Variants in MAN1A1 observed in about 807,000 individuals in gnomAD.
MAN1A1 encodes the protein mannosyl-oligosaccharide 1,2-alpha-mannosidase IA.
A neutral mutation model predicts 70.8 loss-of-function variants in MAN1A1; 29 were observed. The observed-to-expected ratio is 0.41, with a 90% confidence interval of 0.31 to 0.56. The LOEUF (loss-of-function observed/expected upper bound fraction) is 0.56. MAN1A1 is among the 20% of genes least tolerant of loss of function. MAN1A1 has a pLI of 0.29. For missense variants in MAN1A1, 747 were observed against 841.3 expected (o/e 0.89, Z 1.39); for synonymous variants, 349 against 330.1 (o/e 1.06, Z -0.62).
chr6:119,253,175 C>T (rs1257913090), intron 5 of MAN1A1, among the ~76,000 whole-genome samples: 3 of 151,962 alleles, frequency 2.0e-5, no homozygotes, highest in East Asian at 1.9e-4. Context: ...GTGGATGGAC[C>T]GAGAAGAACC....
At chr6:119,317,067 T>C (rs11153812) in intron 2 of MAN1A1, among the ~76,000 whole-genome samples, 49,997 of 151,636 alleles carry the variant, frequency 0.33, 8,725 homozygotes, top group Non-Finnish European at 0.36. Flanking sequence ...TGTGTGTGTA[T>C]GTTTTCTAAA....
At chr6:119,220,524 AT>A (rs1207719252) in intron 6 of MAN1A1, among the ~76,000 whole-genome samples, 12 of 152,328 alleles carry the variant, frequency 7.9e-5, no homozygotes, top group African/African-American at 2.6e-4. Context: ...CATTAAAAAA[AT>A]AAACAGGCAC....
At chr6:119,336,930 T>C (rs1773466766) in intron 2 of MAN1A1, among the ~76,000 whole-genome samples, 1 of 152,110 alleles carries the variant, frequency 6.6e-6, no homozygotes, top group African/African-American at 2.4e-5. Context: ...ATGAAGACTC[T>C]ACCTACTTTA....
chr6:119,350,120 C>T (rs974793959), upstream of MAN1A1, among the ~76,000 whole-genome samples: 5 of 152,154 alleles, frequency 3.3e-5, no homozygotes, highest in African/African-American at 7.2e-5. Flanking sequence ...TCGACTGGCC[C>T]GGGAGGCGCC....
chr6:119,348,599 T>C lies in MAN1A1; in HGVS notation c.467A>G (p.Lys156Arg), dbSNP rs1773805897. 1.2e-6 allele frequency: 2 copies of C among 1,613,800 alleles called. No homozygotes were observed. Among genetic ancestry groups the C allele is most frequent in the Non-Finnish European group, 1.7e-6 (2 of 1,179,892 alleles). The change falls in exon 2 of 13, where the codon AAG becomes AGG. Residue 156 changes from lysine (K) to arginine (R), a missense_variant. Transcript: ENST00000368468. ...IQRDILLEKKKVAQDQLRDKA... is the reference protein window; with the variant it reads ...IQRDILLEKKRVAQDQLRDKA... Reference sequence around the variant, plus strand: ...GTCACGCAGCTGGTCCTGGGCCACCTTCTTCTTCTCCAGTAGGATGTCTCT... The same window carrying C: ...GTCACGCAGCTGGTCCTGGGCCACCCTCTTCTTCTCCAGTAGGATGTCTCT...
intron 6 of MAN1A1, among the ~76,000 whole-genome samples, chr6:119,247,701 C>T (rs1384806363): frequency 2.0e-5 from 3 of 152,138 alleles, no homozygotes; most frequent in African/African-American, 7.2e-5. Flanking sequence ...TCAGGGTTCT[C>T]CACCAAAGAG....
chr6:119,342,689 A>G, intron 2 of MAN1A1, among the ~76,000 whole-genome samples: 1 of 152,170 alleles, frequency 6.6e-6, no homozygotes, highest in East Asian at 1.9e-4. Flanking sequence ...GCCAGAACCT[A>G]CTTGGGTGGA....
chr6:119,251,672 A>C (rs1292758076), intron 5 of MAN1A1, among the ~76,000 whole-genome samples: 1 of 152,134 alleles, frequency 6.6e-6, no homozygotes, highest in Non-Finnish European at 1.5e-5. Context: ...CATATCCCCC[A>C]ATAATTTTTC....
At chr6:119,292,024 G>A (rs1440176355) in intron 4 of MAN1A1, among the ~76,000 whole-genome samples, 1 of 152,018 alleles carries the variant, frequency 6.6e-6, no homozygotes, top group African/African-American at 2.4e-5. Flanking sequence ...ATAATTGGTA[G>A]AAGCAGGATT....
intron 2 of MAN1A1, among the ~76,000 whole-genome samples, chr6:119,311,012 G>C (rs1380011662): frequency 6.6e-6 from 1 of 152,112 alleles, no homozygotes; most frequent in Admixed American, 6.6e-5. Context: ...GAGAAACTGG[G>C]TCCATATCTG....
At chr6:119,341,759 CAGATTG>C (rs1361447469) in intron 2 of MAN1A1, among the ~76,000 whole-genome samples, 7 of 152,086 alleles carry the variant, frequency 4.6e-5, no homozygotes, top group African/African-American at 1.7e-4. Flanking sequence ...CAAGATGAAA[CAGATTG>C]AAATTCACTT....
intron 5 of MAN1A1, among the ~76,000 whole-genome samples, chr6:119,287,937 G>T (rs572370603): frequency 1.1e-3 from 171 of 151,988 alleles, no homozygotes; most frequent in Non-Finnish European, 2.0e-3. Context: ...TTCTTATATA[G>T]CATTTGAAAA....
chr6:119,227,318 GA>G (rs1270960992), intron 6 of MAN1A1, among the ~76,000 whole-genome samples: 1 of 152,156 alleles, frequency 6.6e-6, no homozygotes, highest in East Asian at 1.9e-4. Context: ...TGTGAGTAAC[GA>G]AAAGTTGTAT....
intron 2 of MAN1A1, among the ~76,000 whole-genome samples, chr6:119,331,588 T>TATATAC (rs1773316413): frequency 6.8e-6 from 1 of 146,464 alleles, no homozygotes; most frequent in Non-Finnish European, 1.5e-5. Context: ...TATATATATA[T>TATATAC]ATATATATAT....
At position 119,193,733 on chromosome 6, in the gene MAN1A1, T is replaced by C. The variant is rs751072334; in HGVS notation, c.1326+44A>G. On this transcript the variant is annotated intron_variant, in intron 9 of 12. Transcript: ENST00000368468. ...TAAAACTTGATTAATATACAAATTATAAGTTAGGGCTGAGTGGCAAAGATG... is the reference window on the plus strand; with the variant it reads ...TAAAACTTGATTAATATACAAATTACAAGTTAGGGCTGAGTGGCAAAGATG... The C allele has an allele frequency of 6.0e-6, 8 of 1,336,498 alleles. No individual in the cohort carries two copies. In the Admixed American group the frequency reaches 1.3e-4, roughly 21 times the overall value. The allele number at this position is 1,336,498 out of a possible 1,614,324, so 82.8% of individuals were successfully genotyped here.
At chr6:119,229,863 T>C (rs1774629208) in intron 6 of MAN1A1, among the ~76,000 whole-genome samples, 3 of 152,258 alleles carry the variant, frequency 2.0e-5, no homozygotes, top group Admixed American at 2.0e-4. Flanking sequence ...GAACCCATTT[T>C]ACACGACATT....
chr6:119,320,812 C>A (rs1272535607), intron 2 of MAN1A1, among the ~76,000 whole-genome samples: 1 of 152,020 alleles, frequency 6.6e-6, no homozygotes, highest in Admixed American at 6.6e-5. Flanking sequence ...TTGGTATAAA[C>A]CTCAAATATT....
intron 2 of MAN1A1, among the ~76,000 whole-genome samples, chr6:119,323,627 A>C (rs1425539313): frequency 2.0e-5 from 3 of 152,190 alleles, no homozygotes; most frequent in African/African-American, 4.8e-5. Flanking sequence ...GTTCTTTCCT[A>C]CATGATCCAG....
intron 5 of MAN1A1, among the ~76,000 whole-genome samples, chr6:119,264,284 C>T (rs1775689237): frequency 6.6e-6 from 1 of 152,102 alleles, no homozygotes; most frequent in Non-Finnish European, 1.5e-5. Context: ...CATTTGAGAA[C>T]CACTGAACTA....
Sources: allele counts gnomAD v4.1 joint callset (sites outside exome capture counted in the v4.1 genomes callset), GRCh38; gene constraint gnomAD v4.1.1; transcripts MANE v1.5; gene names NCBI Gene and HGNC (gene_info 2026-07-23, HGNC 2026-07-21).